Variants in UBAC2 observed in about 807,000 individuals in gnomAD.
UBAC2 encodes UBA domain containing 2.
A neutral mutation model predicts 44.0 loss-of-function variants in UBAC2; 26 were observed. The ratio of observed to expected loss-of-function variants is 0.59; its 90% confidence interval spans 0.43 to 0.82. UBAC2 has a LOEUF of 0.82. UBAC2 is among the 40% of genes least tolerant of loss of function. The pLI is 0.00. For missense variants in UBAC2, 329 were observed against 419.4 expected (o/e 0.78, Z 1.88); for synonymous variants, 155 against 154.3 (o/e 1.00, Z -0.04).
intron 4 of UBAC2, 121 bp from the exon 5 acceptor site, chr13:99,313,976 A>T: frequency 1.1e-6 from 1 of 895,046 alleles, no homozygotes; most frequent in African/African-American, 1.7e-5. Flanking sequence ...ATCAATATGT[A>T]TATCTAAGAC....
intron 7 of UBAC2, among the ~76,000 whole-genome samples, chr13:99,346,439 C>T (rs1318832455): frequency 6.6e-6 from 1 of 152,224 alleles, no homozygotes; most frequent in African/African-American, 2.4e-5. Context: ...ACACAAGGCT[C>T]CTGCCTGCTA....
At chr13:99,367,133 G>T (rs1286329918) in intron 7 of UBAC2, among the ~76,000 whole-genome samples, 1 of 152,154 alleles carries the variant, frequency 6.6e-6, no homozygotes, top group Admixed American at 6.5e-5. Flanking sequence ...GAACGGCATT[G>T]CTGTCAGTCT....
intron 4 of UBAC2, among the ~76,000 whole-genome samples, chr13:99,305,386 G>C (rs1011691507): frequency 1.3e-5 from 2 of 152,150 alleles, no homozygotes; most frequent in African/African-American, 4.8e-5. Flanking sequence ...CACAGGCCAC[G>C]TCCAGGGCTG....
At chr13:99,305,224 C>G (rs1209539234) in intron 4 of UBAC2, among the ~76,000 whole-genome samples, 4 of 152,090 alleles carry the variant, frequency 2.6e-5, no homozygotes. Context: ...TATTTTTATT[C>G]TTCTCTTTGG....
intron 1 of UBAC2, 138 bp from the exon 2 acceptor site, chr13:99,238,289 A>G: frequency 8.6e-7 from 1 of 1,166,544 alleles, no homozygotes; most frequent in Non-Finnish European, 1.2e-6. Flanking sequence ...GAAAGTGGAT[A>G]TTAGAACCAA....
At chr13:99,359,514 C>A (rs902702751) in intron 7 of UBAC2, among the ~76,000 whole-genome samples, 60 of 152,134 alleles carry the variant, frequency 3.9e-4, no homozygotes, top group African/African-American at 1.3e-3. Context: ...AACCTGTTTC[C>A]TAAATGTGTA....
At chr13:99,378,188 TG>T (rs1278725155) in intron 8 of UBAC2, among the ~76,000 whole-genome samples, 2 of 152,172 alleles carry the variant, frequency 1.3e-5, no homozygotes, top group African/African-American at 4.8e-5. Flanking sequence ...TATTTCACCA[TG>T]GGTCAGTTAA....
intron 8 of UBAC2, among the ~76,000 whole-genome samples, chr13:99,380,054 G>C (rs1261630509): frequency 6.6e-6 from 1 of 152,144 alleles, no homozygotes; most frequent in African/African-American, 2.4e-5. Flanking sequence ...AGGAGGGTGA[G>C]AGGGTCTCTT....
At chr13:99,357,793 C>T (rs1434918514) in intron 7 of UBAC2, among the ~76,000 whole-genome samples, 1 of 152,220 alleles carries the variant, frequency 6.6e-6, no homozygotes, top group African/African-American at 2.4e-5. Flanking sequence ...ATTAGTAACC[C>T]ATCACCTGGG....
intron 8 of UBAC2, among the ~76,000 whole-genome samples, chr13:99,380,260 G>A (rs1335736505): frequency 4.6e-5 from 7 of 152,162 alleles, no homozygotes; most frequent in Admixed American, 6.5e-5. Context: ...CTGACTGCAC[G>A]TCTGCGCAGG....
intron 7 of UBAC2, among the ~76,000 whole-genome samples, chr13:99,346,783 G>T (rs566139195): frequency 6.6e-6 from 1 of 152,202 alleles, no homozygotes; most frequent in Non-Finnish European, 1.5e-5. Flanking sequence ...CCGCAAACCC[G>T]ATGTTCACTG....
chr13:99,251,460 A>G (rs1264842771), intron 4 of UBAC2, among the ~76,000 whole-genome samples: 1 of 152,024 alleles, frequency 6.6e-6, no homozygotes, highest in African/African-American at 2.4e-5. Flanking sequence ...CTCTACTTCT[A>G]CTGTCATTAT....
chr13:99,215,601 A>AC, intron 1 of UBAC2: 4 of 1,329,574 alleles, frequency 3.0e-6, no homozygotes, highest in Non-Finnish European at 4.3e-6. Flanking sequence ...TGCGCTGTAC[A>AC]CAGCGGCAGT....
At chr13:99,243,233 C>CTT (rs773750160) in intron 2 of UBAC2, among the ~76,000 whole-genome samples, 7,660 of 93,496 alleles carry the variant, frequency 0.082, 223 homozygotes, top group Middle Eastern at 0.16. Context: ...TTGAGTAGCT[C>CTT]TTTTTTTTTT....
At chr13:99,256,879 A>G (rs1377613615) in intron 4 of UBAC2, among the ~76,000 whole-genome samples, 1 of 152,158 alleles carries the variant, frequency 6.6e-6, no homozygotes, top group East Asian at 1.9e-4. Context: ...CCCTTGTAAT[A>G]TGGAGGTGGA....
intron 2 of UBAC2, among the ~76,000 whole-genome samples, chr13:99,240,266 A>G (rs1396764676): frequency 6.6e-6 from 1 of 152,218 alleles, no homozygotes; most frequent in Non-Finnish European, 1.5e-5. Context: ...ATTCACCTGT[A>G]TAATAATATG....
At chr13:99,254,870 T>G (rs1225128333) in intron 4 of UBAC2, 3 of 1,599,464 alleles carry the variant, frequency 1.9e-6, no homozygotes, top group African/African-American at 2.7e-5. Flanking sequence ...TGAAAGAACC[T>G]TATTATTCAT....
At chr13:99,359,254 G>T (rs1166310946) in intron 7 of UBAC2, among the ~76,000 whole-genome samples, 2 of 152,192 alleles carry the variant, frequency 1.3e-5, no homozygotes, top group Admixed American at 1.3e-4. Flanking sequence ...AACAAAGGGT[G>T]CTTTGATAAC....
At chr13:99,299,319 G>A (rs191808803) in intron 4 of UBAC2, among the ~76,000 whole-genome samples, 5 of 152,316 alleles carry the variant, frequency 3.3e-5, no homozygotes, top group Admixed American at 2.0e-4. Context: ...CAGGAATACA[G>A]CCATGCAGTG....
Sources: allele counts gnomAD v4.1 joint callset (sites outside exome capture counted in the v4.1 genomes callset), GRCh38; gene constraint gnomAD v4.1.1; transcripts MANE v1.5; gene names NCBI Gene and HGNC (gene_info 2026-07-23, HGNC 2026-07-21).